The following LTBR variants were observed in gnomAD, a reference collection of about 807,000 sequenced individuals.
LTBR encodes the protein tumor necrosis factor receptor superfamily member 3.
LTBR carries 15 observed loss-of-function variants against 45.4 expected under a neutral mutation model. That is an observed-to-expected ratio of 0.33 (90% CI 0.22 to 0.51). The LOEUF (loss-of-function observed/expected upper bound fraction) is 0.51. Among genes scored for constraint, LTBR ranks in the 20% least tolerant of loss-of-function variants. LTBR has a pLI of 0.97. For missense variants in LTBR, 450 were observed against 565.5 expected (o/e 0.80, Z 2.07); for synonymous variants, 228 against 231.0 (o/e 0.99, Z 0.12).
At chr12:6,384,013 C>CG (rs892199981), upstream of LTBR, 8 of 1,161,178 alleles carry the variant, frequency 6.9e-6, no homozygotes, top group African/African-American at 1.3e-4. Context: ...AGGCCGGTTC[C>CG]GGCCCCGCGG....
chr12:6,384,140 C>T (rs1278329419), upstream of LTBR: 11 of 1,273,844 alleles, frequency 8.6e-6, no homozygotes, highest in Non-Finnish European at 1.1e-5. Flanking sequence ...TCCCTGTCCC[C>T]GCCCCGCGGC....
intron 1 of LTBR, chr12:6,375,716 G>A: frequency 1.4e-6 from 2 of 1,430,506 alleles, no homozygotes; most frequent in Non-Finnish European, 1.8e-6. Flanking sequence ...CTCTGGGCAG[G>A]GGCTTTAGAC....
exon 1 of LTBR, chr12:6,375,525 G>C (rs1948889421): frequency 2.0e-6 from 3 of 1,535,376 alleles, no homozygotes; most frequent in Non-Finnish European, 2.6e-6. Context: ...CAGCGGCCTG[G>C]CTGGGGAGCC....
chr12:6,390,261 G>T lies in LTBR; in HGVS notation c.951G>T (p.Gly317=). The change falls in exon 9 of 10, where the codon GGG becomes GGT. Residue 317 remains glycine, a synonymous_variant. Transcript: ENST00000228918. The stretch of plus-strand genomic sequence containing the variant: ...CCGCAGCCCCAGTTTTGGAGGCAGG[G>T]GTGCCGCAACAGCAGAGTCCTCTGG... The part of the protein sequence containing the change: ...GLPAAPVLEA[G]VPQQQSPLDL... 2 of 1,614,058 alleles carry T rather than the reference G, an allele frequency of 1.2e-6. No homozygotes were observed. The highest frequency in any genetic ancestry group is 1.1e-5 in the South Asian group (1 of 91,078).
chr12:6,388,655 G>T lies in LTBR; in HGVS notation c.776-145G>T. ...TTATCTTCATCCAGCTGCTTATTCT[G>T]AGGCTGGAGATGAGAGTGACAGTGG... On this transcript the variant is annotated intron_variant, in intron 7 of 9. Coordinates refer to ENST00000228918, the MANE Select transcript of LTBR (RefSeq NM_002342.3). This position sits in a 1 kb window ranked among gnomAD's most constrained non-coding sequence, Gnocchi z 4.3. The T allele has an allele frequency of 8.7e-7, 1 of 1,153,866 alleles. No homozygotes were observed. 71.5% of individuals were successfully genotyped at this position (1,153,866 alleles called of 1,614,324 possible).
upstream of LTBR, among the ~76,000 whole-genome samples, chr12:6,379,269 G>A (rs988879413): frequency 1.3e-5 from 2 of 152,112 alleles, no homozygotes; most frequent in Non-Finnish European, 2.9e-5. Context: ...AGCAGAACTG[G>A]CGTCTTTCCT....
At position 6,388,370 on chromosome 12, in the gene LTBR, A is replaced by G; in HGVS notation, c.668-28A>G. 6.4e-7 allele frequency: 1 copy of G among 1,564,302 alleles called. No homozygotes were observed. The highest frequency in any genetic ancestry group is 8.8e-7 in the Non-Finnish European group (1 of 1,135,746). ...CCCCTCTGCCCTTCTTGGGGCTGTGATCACCCTCCTGTCTGCTGTCCTGGC... is the reference window on the plus strand; with the variant it reads ...CCCCTCTGCCCTTCTTGGGGCTGTGGTCACCCTCCTGTCTGCTGTCCTGGC... On this transcript the variant is annotated intron_variant, in intron 6 of 9. Coordinates refer to ENST00000228918, the MANE Select transcript of LTBR (RefSeq NM_002342.3). This position sits in a 1 kb window ranked among gnomAD's most constrained non-coding sequence, Gnocchi z 4.3.
At chr12:6,376,122 C>T (rs113654634) in intron 1 of LTBR, 1 of 987,704 alleles carries the variant, frequency 1.0e-6, no homozygotes, top group East Asian at 1.1e-4. Context: ...CAGCCTCACC[C>T]TCAGGCCCTG....
At chr12:6,387,865 C>G (rs1026843815) in intron 6 of LTBR, 17 of 455,362 alleles carry the variant, frequency 3.7e-5, no homozygotes, top group South Asian at 1.6e-4. Context: ...CAGGCAGTTC[C>G]GAAGCAAGTT....
At chr12:6,390,567 CA>C in intron 9 of LTBR, 92 bp from the exon 10 acceptor site, 1 of 1,319,248 alleles carries the variant, frequency 7.6e-7, no homozygotes, top group Non-Finnish European at 1.0e-6. Context: ...GGGGCGGGGC[CA>C]GGGGAAAGGC....
rs1237430998 is a variant in LTBR, at chr12:6,386,347, G to T, written c.570G>T (p.Arg190Ser). ...GTCATCATCTTTTTTTCCTCTGCAG[G>T]TGTGAGAACCAAGGTCTGGTGGAGG... Reference protein sequence around the residue: ...SPSARCQPHTRCENQGLVEAA... With the variant: ...SPSARCQPHTSCENQGLVEAA... The change falls in exon 6 of 10, where the codon AGG becomes AGT. Residue 190 changes from arginine (R) to serine (S), a missense_variant and splice_region_variant. This residue lies in a region of LTBR where 367 missense variants were observed against 435.4 expected (regional missense o/e 0.84). Coordinates refer to ENST00000228918, the MANE Select transcript of LTBR (RefSeq NM_002342.3). This position sits in a 1 kb window ranked among gnomAD's most constrained non-coding sequence, Gnocchi z 4.1. 3.1e-6 allele frequency: 5 copies of T among 1,613,200 alleles called. No individual in the cohort carries two copies. Among genetic ancestry groups the T allele is most frequent in the East Asian group, 4.5e-5 (2 of 44,886 alleles).
chr12:6,388,484 C>T lies in LTBR; in HGVS notation c.754C>T (p.Pro252Ser), dbSNP rs1949074428. 2 of 1,613,904 alleles carry T rather than the reference C, an allele frequency of 1.2e-6. No homozygotes were observed. The highest frequency in any genetic ancestry group is 1.3e-5 in the African/African-American group (1 of 74,912). Reference sequence around the variant, plus strand: ...CTTCTCCTGCATCTGGAAGAGCCACCCTTCTCTCTGCAGGAAACTGGGTAG... The same window carrying T: ...CTTCTCCTGCATCTGGAAGAGCCACTCTTCTCTCTGCAGGAAACTGGGTAG... The part of the protein sequence containing the change: ...TVFSCIWKSH[P>S]SLCRKLGSLL... The change falls in exon 7 of 10, where the codon CCT (proline) becomes TCT (serine). Residue 252 changes from proline to serine, a missense_variant. Around this residue, in one of 3 missense-constraint regions of LTBR, gnomAD observed 367 missense variants for 435.4 expected, o/e 0.84. Transcript: ENST00000228918. This position sits in a 1 kb window ranked among gnomAD's most constrained non-coding sequence, Gnocchi z 4.3.
chr12:6,382,882 A>T (rs965129452), upstream of LTBR, among the ~76,000 whole-genome samples: 1 of 152,190 alleles, frequency 6.6e-6, no homozygotes, highest in African/African-American at 2.4e-5. Context: ...CTGAGCCACA[A>T]GGAGTTGGCA....
At chr12:6,378,978 G>A (rs1298427906) in intron 1 of LTBR, among the ~76,000 whole-genome samples, 7 of 152,184 alleles carry the variant, frequency 4.6e-5, no homozygotes, top group Admixed American at 4.6e-4. Flanking sequence ...TGGGATGAGG[G>A]TTATGAGTGC....
Position 6,384,290 on chromosome 12 carries a change from C to T in LTBR, c.-69C>T. 7.0e-7 allele frequency: 1 copy of T among 1,429,528 alleles called. No individual in the cohort carries two copies. Among genetic ancestry groups the T allele is most frequent in the Non-Finnish European group, 9.1e-7 (1 of 1,097,036 alleles). 88.6% of individuals were successfully genotyped at this position (1,429,528 alleles called of 1,614,324 possible). ...CTCGGGCAGCCGCCGCCACCGCTGC[C>T]CAGGACGTCGGGCCTCCTGCCTTCC... On this transcript the variant is annotated 5_prime_UTR_variant, in exon 1 of 10. Coordinates refer to ENST00000228918, the MANE Select transcript of LTBR (RefSeq NM_002342.3).
At chr12:6,383,351 C>T (rs568593327), upstream of LTBR, among the ~76,000 whole-genome samples, 20 of 152,272 alleles carry the variant, frequency 1.3e-4, no homozygotes, top group East Asian at 1.3e-3. Flanking sequence ...CCTGGAATCC[C>T]GGTTCCCTTA....
intron 1 of LTBR, chr12:6,376,221 T>A: frequency 1.0e-6 from 1 of 982,186 alleles, no homozygotes; most frequent in Non-Finnish European, 1.2e-6. Flanking sequence ...TGCCTCCTCC[T>A]GGTCCCTCCT....
intron 1 of LTBR, chr12:6,377,415 T>G: frequency 1.4e-6 from 1 of 727,550 alleles, no homozygotes; most frequent in Non-Finnish European, 2.3e-6. Flanking sequence ...CCTCCTCCTC[T>G]GGGGCTATCT....
At chr12:6,379,502 G>A (rs1367768205), upstream of LTBR, among the ~76,000 whole-genome samples, 1 of 152,160 alleles carries the variant, frequency 6.6e-6, no homozygotes, top group Non-Finnish European at 1.5e-5. Flanking sequence ...ACTTCACACT[G>A]GGGGCTGCCC....
Sources: gnomAD v4.1 joint callset for allele counts (sites outside exome capture counted in the v4.1 genomes callset) on GRCh38, gnomAD v4.1.1 for gene constraint, gnomAD v4.1.1 regional missense constraint, Gnocchi (gnomAD v3.1) non-coding constraint, MANE v1.5 for transcripts, NCBI Gene and HGNC (gene_info 2026-07-23, HGNC 2026-07-21) for gene names.